FAM184B: variants seen among roughly 807,000 people sequenced by gnomAD.
FAM184B encodes the protein family with sequence similarity 184 member B, also known as protein FAM184B.
Under a neutral mutation model 135.9 loss-of-function variants are expected in FAM184B, and 111 were observed. That is an observed-to-expected ratio of 0.82 (90% CI 0.70 to 0.96). The LOEUF is 0.96. FAM184B is among the 40% of genes least tolerant of loss of function. The pLI is 0.00. For synonymous variants in FAM184B, 552 were observed against 524.8 expected, an observed-to-expected ratio of 1.05 and a Z score of -0.71; for missense variants, 1,375 against 1,323.9, an observed-to-expected ratio of 1.04 and a Z score of -0.60.
At chr4:17,660,412 T>G (rs1017343664) in intron 8 of FAM184B, among the ~76,000 whole-genome samples, 5 of 152,148 alleles carry the variant, frequency 3.3e-5, no homozygotes, top group Admixed American at 3.3e-4. Context: ...TTAGAGTTAC[T>G]GATATGAGGT....
At chr4:17,671,976 A>T (rs1164293899) in intron 7 of FAM184B, among the ~76,000 whole-genome samples, 6 of 152,008 alleles carry the variant, frequency 3.9e-5, no homozygotes, top group Non-Finnish European at 8.8e-5. Context: ...GAGAGAAAGG[A>T]CAAGAAGGCT....
At position 17,650,387 on chromosome 4, in the gene FAM184B, C is replaced by G. The variant is rs183350509; in HGVS notation, c.2191+2443G>C. 2.0e-4 allele frequency among the ~76,000 whole-genome samples: 30 copies of G among 152,350 alleles called. No individual in the cohort carries two copies. In the East Asian group the frequency reaches 4.2e-3, roughly 22 times the overall value. On this transcript the variant is annotated intron_variant, in intron 11 of 17. Transcript: ENST00000265018. ...AGGTGCTTGCACCTTCCCTTGAAGC[C>G]TATGATTTGTTGTCATCACAGAGTC...
intron 9 of FAM184B, among the ~76,000 whole-genome samples, chr4:17,658,809 G>C (rs1196564790): frequency 5.3e-5 from 8 of 152,074 alleles, no homozygotes; most frequent in Admixed American, 5.2e-4. Flanking sequence ...AAATCACTAG[G>C]GGACTGATGC....
At chr4:17,704,246 T>A (rs1285172409) in intron 5 of FAM184B, among the ~76,000 whole-genome samples, 1 of 152,218 alleles carries the variant, frequency 6.6e-6, no homozygotes, top group Non-Finnish European at 1.5e-5. Flanking sequence ...TGCTTCATAC[T>A]TCCTTCTTTT....
chr4:17,680,810 A>G (rs535642552), intron 7 of FAM184B, among the ~76,000 whole-genome samples: 5 of 152,322 alleles, frequency 3.3e-5, no homozygotes, highest in African/African-American at 9.6e-5. Context: ...TTAGGTCCTC[A>G]TCTTTCATCT....
intron 1 of FAM184B, 108 bp from the exon 2 acceptor site, chr4:17,709,752 C>T: frequency 9.7e-7 from 1 of 1,027,374 alleles, no homozygotes; most frequent in Non-Finnish European, 1.3e-6. Flanking sequence ...GCACAAGTGG[C>T]ACCTGAGAAG....
chr4:17,685,558 CAAAAAA>C (rs11350244), intron 7 of FAM184B, among the ~76,000 whole-genome samples: 1 of 86,762 alleles, frequency 1.2e-5, no homozygotes. Flanking sequence ...GACTCTGTCT[CAAAAAA>C]AAAAAAAAAA....
At chr4:17,765,563 T>C (rs1214619705) in intron 1 of FAM184B, among the ~76,000 whole-genome samples, 2 of 152,216 alleles carry the variant, frequency 1.3e-5, no homozygotes, top group Non-Finnish European at 2.9e-5. Flanking sequence ...AATCCAGTTT[T>C]TGTATAAAAA....
chr4:17,654,919 A>G (rs1376288843), intron 10 of FAM184B, among the ~76,000 whole-genome samples: 5 of 152,096 alleles, frequency 3.3e-5, no homozygotes, highest in Admixed American at 2.6e-4. Flanking sequence ...CGGCGCAATC[A>G]TGGCTCACCT....
At chr4:17,657,365 C>T (rs1715798378) in intron 10 of FAM184B, among the ~76,000 whole-genome samples, 1 of 152,216 alleles carries the variant, frequency 6.6e-6, no homozygotes, top group African/African-American at 2.4e-5. Flanking sequence ...AGCAGCAAAA[C>T]CAGACTCCTC....
At chr4:17,767,849 G>A (rs1718734562) in intron 1 of FAM184B, among the ~76,000 whole-genome samples, 1 of 152,138 alleles carries the variant, frequency 6.6e-6, no homozygotes, top group Admixed American at 6.6e-5. Flanking sequence ...CCAAAGAACT[G>A]AAACTGAGTC....
intron 10 of FAM184B, among the ~76,000 whole-genome samples, chr4:17,655,093 G>T (rs946619835): frequency 6.6e-6 from 1 of 152,034 alleles, no homozygotes; most frequent in Non-Finnish European, 1.5e-5. Context: ...TGATCCTCCC[G>T]CATTGGCCTC....
At chr4:17,706,914 T>A (rs916576293) in intron 3 of FAM184B, among the ~76,000 whole-genome samples, 2 of 151,802 alleles carry the variant, frequency 1.3e-5, no homozygotes, top group Non-Finnish European at 2.9e-5. Context: ...GCCTCCCAAG[T>A]AGCTAGGATT....
At chr4:17,726,194 G>C (rs1223145043) in intron 1 of FAM184B, among the ~76,000 whole-genome samples, 1 of 152,068 alleles carries the variant, frequency 6.6e-6, no homozygotes, top group Non-Finnish European at 1.5e-5. Flanking sequence ...AAAGTGCTGG[G>C]ATTACAGGTG....
At chr4:17,646,968 T>C (rs1045811803) in intron 12 of FAM184B, among the ~76,000 whole-genome samples, 1 of 152,072 alleles carries the variant, frequency 6.6e-6, no homozygotes, top group African/African-American at 2.4e-5. Flanking sequence ...AACAGCAAGG[T>C]CTAGATGGAG....
At chr4:17,641,123 G>A (rs1390626108) in intron 13 of FAM184B, among the ~76,000 whole-genome samples, 2 of 152,024 alleles carry the variant, frequency 1.3e-5, no homozygotes, top group African/African-American at 2.4e-5. Flanking sequence ...TAGTAGAGAC[G>A]GGGTTTCACT....
At chr4:17,775,864 G>A (rs373156265) in intron 1 of FAM184B, among the ~76,000 whole-genome samples, 4 of 152,162 alleles carry the variant, frequency 2.6e-5, no homozygotes, top group African/African-American at 2.4e-5. Flanking sequence ...GCTGCAGGGC[G>A]GATGAGGGAT....
chr4:17,640,965 G>C (rs566028037), intron 13 of FAM184B, among the ~76,000 whole-genome samples: 4 of 152,018 alleles, frequency 2.6e-5, no homozygotes, highest in African/African-American at 9.7e-5. Flanking sequence ...ACAGATTGTG[G>C]CTCTGCCGCC....
chr4:17,671,225 TACACCAGCTTCA>T (rs1716162517), intron 7 of FAM184B, among the ~76,000 whole-genome samples: 5 of 152,072 alleles, frequency 3.3e-5, no homozygotes, highest in Admixed American at 2.6e-4. Context: ...AGAGACCCCC[TACACCAGCTTCA>T]ACCAGAGGAG....
Sources: gnomAD v4.1 joint callset for allele counts (sites outside exome capture counted in the v4.1 genomes callset) on GRCh38, gnomAD v4.1.1 for gene constraint, MANE v1.5 for transcripts, NCBI Gene and HGNC (gene_info 2026-07-23, HGNC 2026-07-21) for gene names.